Variants in EHMT1 observed in about 807,000 individuals in gnomAD.
EHMT1 encodes euchromatic histone lysine methyltransferase 1.
In EHMT1, 15 loss-of-function variants were observed where a neutral mutation model predicts 147.2. The ratio of observed to expected loss-of-function variants is 0.10; its 90% CI spans 0.07 to 0.16. The LOEUF is 0.16. Ranked by LOEUF, EHMT1 falls within the 10% of genes least tolerant of loss-of-function variation. The pLI is 1.00. For missense variants in EHMT1, 1,587 were observed against 1,772.4 expected (o/e 0.90, Z 1.88); for synonymous variants, 795 against 709.6 (o/e 1.12, Z -1.91).
chr9:137,809,493 T>G (rs1282768511), intron 18 of EHMT1, among the ~76,000 whole-genome samples: 1 of 151,996 alleles, frequency 6.6e-6, no homozygotes, highest in Non-Finnish European at 1.5e-5. Context: ...CCTGCAGGGG[T>G]CTGCCTTGGG....
Position 137,834,299 on chromosome 9 carries a change from C to T in EHMT1, c.3541-50C>T, listed in dbSNP as rs891311892. ...GCATGGCCGTACCCGGCGAGGCCGGCGTGTCGGGGCCTTGCTAACTGCAGC... is the reference window on the plus strand; with the variant it reads ...GCATGGCCGTACCCGGCGAGGCCGGTGTGTCGGGGCCTTGCTAACTGCAGC... On this transcript the variant is annotated intron_variant, in intron 25 of 26. Transcript: ENST00000460843. The T allele has an allele frequency of 4.4e-6, 7 of 1,607,306 alleles. No individual in the cohort carries two copies. The East Asian group carries it at 6.7e-5, about 15-fold the overall frequency.
chr9:137,639,474 C>T (rs975092834), intron 1 of EHMT1, among the ~76,000 whole-genome samples: 5 of 151,952 alleles, frequency 3.3e-5, no homozygotes, highest in Admixed American at 6.6e-5. Context: ...TGGTTTTTGC[C>T]TCGTGTTTTG....
At chr9:137,727,405 C>CT (rs1011078333) in intron 3 of EHMT1, among the ~76,000 whole-genome samples, 14 of 152,296 alleles carry the variant, frequency 9.2e-5, no homozygotes, top group Admixed American at 9.1e-4. Flanking sequence ...CGGTTTCCTC[C>CT]TGAGTTTTAT....
At chr9:137,755,666 G>A (rs1456029309) in intron 8 of EHMT1, among the ~76,000 whole-genome samples, 2 of 152,168 alleles carry the variant, frequency 1.3e-5, no homozygotes, top group African/African-American at 4.8e-5. Context: ...CCAAGCACTC[G>A]TCCTGTTTTA....
In EHMT1 at chr9:137,716,681, C is replaced by G. The variant is rs768561835; in HGVS notation, c.141C>G (p.His47Gln). The G allele has an allele frequency of 2.5e-5, 40 of 1,603,982 alleles. No individual in the cohort carries two copies. The highest frequency in any genetic ancestry group is 3.2e-5 in the Non-Finnish European group (37 of 1,173,184). The change falls in exon 3 of 27, where the codon CAC becomes CAG. Residue 47 changes from histidine (H) to glutamine (Q), a missense_variant. Coordinates refer to ENST00000460843, the MANE Select transcript of EHMT1 (RefSeq NM_024757.5). The part of the protein sequence containing the change: ...GSAEKQAGEA[H>Q]MAADGETNGS... ...CAGAGAAACAGGCAGGAGAGGCCCA[C>G]ATGGCTGCGGACGGTGAGACCAATG...
rs756421024 is a variant in EHMT1, at chr9:137,744,050, C to T, written c.1130C>T (p.Thr377Ile). 8 of 1,614,156 alleles carry T rather than the reference C, an allele frequency of 5.0e-6. No homozygotes were observed. The highest frequency in any genetic ancestry group is 6.8e-6 in the Non-Finnish European group (8 of 1,180,040). The change falls in exon 6 of 27, where the codon ACT (threonine) becomes ATT (isoleucine). Residue 377 changes from threonine (T) to isoleucine (I), a missense_variant. Thr to Ile is a moderately conservative substitution (Grantham distance 89, BLOSUM62 -1). Coordinates refer to ENST00000460843, the MANE Select transcript of EHMT1 (RefSeq NM_024757.5). ...GCGTTCCCCACAGAGGACAGCAGGA[C>T]TTCCAAGGAGAGCATGTCGGAGGCT... is the stretch of plus-strand genomic sequence containing the variant. ...AAAFPTEDSR[T>I]SKESMSEADR...
intron 1 of EHMT1, among the ~76,000 whole-genome samples, chr9:137,636,392 A>G (rs1844073916): frequency 6.6e-6 from 1 of 152,116 alleles, no homozygotes; most frequent in South Asian, 2.1e-4. Context: ...AAATCTGGAC[A>G]CTTTTTTGTC....
In EHMT1 at chr9:137,752,312, C is replaced by T. The variant is rs1226633918; in HGVS notation, c.1171-19C>T. 2.5e-6 allele frequency: 4 copies of T among 1,613,718 alleles called. No individual in the cohort carries two copies. Among genetic ancestry groups the T allele is most frequent in the African/African-American group, 1.3e-5 (1 of 75,044 alleles). ...CTGTTTTCTGTTTGGGTTCCCGCTT[C>T]GACTGTGTGGCTGATCAGATGGACG... On this transcript the variant is annotated intron_variant, in intron 6 of 26. Transcript: ENST00000460843.
intron 1 of EHMT1, among the ~76,000 whole-genome samples, chr9:137,703,015 G>C (rs1396039870): frequency 2.6e-5 from 4 of 152,204 alleles, no homozygotes; most frequent in African/African-American, 9.7e-5. Flanking sequence ...GCACCTGCTG[G>C]GTTAACACCA....
At position 137,781,185 on chromosome 9, in the gene EHMT1, C is replaced by T. The variant is rs376368651; in HGVS notation, c.2276-1106C>T. ...GAGACGTGTGGTGATGACGCTGGGA[C>T]GTGTGGTGACGACGCTGAGACGTGT... is the stretch of plus-strand genomic sequence containing the variant. On this transcript the variant is annotated intron_variant, in intron 14 of 26. Transcript: ENST00000460843. 6.3e-3 allele frequency among the ~76,000 whole-genome samples: 488 copies of T among 76,982 alleles called. 208 individuals are homozygous for T. The highest frequency in any genetic ancestry group is 0.058 in the African/African-American group (417 of 7,150). 50.5% of individuals were successfully genotyped at this position (76,982 alleles called of 152,430 possible).
At chr9:137,788,375 CT>C in intron 15 of EHMT1, 1 of 329,074 alleles carries the variant, frequency 3.0e-6, no homozygotes, top group South Asian at 9.6e-5. Flanking sequence ...CTGCCAGCGC[CT>C]CAGCCGGGGT....
Position 137,662,254 on chromosome 9 carries a change from G to C in EHMT1, c.21+43205G>C, listed in dbSNP as rs138267297. On this transcript the variant is annotated intron_variant, in intron 1 of 26. Transcript: ENST00000460843. ...ACTCTGTCACCCAGGCTGGAGTACA[G>C]TGTTGAGATCTTGGCTCACTGCAAC... 4.4e-3 allele frequency among the ~76,000 whole-genome samples: 666 copies of C among 152,104 alleles called. 4 individuals carry two copies. The highest frequency in any genetic ancestry group is 0.015 in the African/African-American group (623 of 41,466).
intron 1 of EHMT1, among the ~76,000 whole-genome samples, chr9:137,675,484 G>T (rs1345350652): frequency 1.3e-5 from 2 of 152,020 alleles, no homozygotes; most frequent in Non-Finnish European, 2.9e-5. Flanking sequence ...TTATTTTTGA[G>T]ATAGAGTCTT....
intron 6 of EHMT1, chr9:137,747,239 C>T (rs1948617610): frequency 6.6e-6 from 1 of 152,040 alleles, no homozygotes; most frequent in East Asian, 1.9e-4. Context: ...CTCACTGCAA[C>T]CTCTGCCTCC....
chr9:137,716,782 C>T lies in EHMT1; in HGVS notation c.242C>T (p.Pro81Leu), dbSNP rs1191067584. Residue 81 changes from proline (P) to leucine (L), a missense_variant, in exon 3 of 27, where the codon CCC becomes CTC. Pro to Leu is a moderately conservative substitution (Grantham distance 98). Transcript: ENST00000460843. ...KHTQDSARVN[P>L]QDGTNTLTRI... ...ACTCAGGACAGCGCAAGGGTCAACC[C>T]CCAGGATGGCACCAACACACTAACT... The T allele has an allele frequency of 5.6e-6, 9 of 1,613,108 alleles. No individual in the cohort carries two copies. In the East Asian group the frequency reaches 8.9e-5, roughly 16 times the overall value.
chr9:137,707,076 T>C (rs1016284229), intron 1 of EHMT1, among the ~76,000 whole-genome samples: 2 of 152,226 alleles, frequency 1.3e-5, no homozygotes, highest in Non-Finnish European at 2.9e-5. Context: ...CCACTCACCT[T>C]AGCCTCCCAA....
At chr9:137,736,471 AT>A (rs1361732560) in intron 4 of EHMT1, among the ~76,000 whole-genome samples, 3 of 152,276 alleles carry the variant, frequency 2.0e-5, no homozygotes, top group Admixed American at 6.5e-5. Flanking sequence ...AGCCAACTAG[AT>A]TTAGCAGACA....
chr9:137,707,345 G>A (rs527576290), intron 1 of EHMT1, among the ~76,000 whole-genome samples: 1 of 152,336 alleles, frequency 6.6e-6, no homozygotes, highest in Non-Finnish European at 1.5e-5. Context: ...GAAGTCAGGA[G>A]AGGCCACGGT....
At chr9:137,671,330 G>A (rs1000599592) in intron 1 of EHMT1, among the ~76,000 whole-genome samples, 5 of 151,990 alleles carry the variant, frequency 3.3e-5, no homozygotes, top group African/African-American at 7.2e-5. Context: ...TTTACAGAGA[G>A]CATGTATTAG....
Sources: allele counts gnomAD v4.1 joint callset (sites outside exome capture counted in the v4.1 genomes callset), GRCh38; gene constraint gnomAD v4.1.1; transcripts MANE v1.5; gene names NCBI Gene and HGNC (gene_info 2026-07-23, HGNC 2026-07-21).